Variants in EPG5 observed in about 807,000 individuals in gnomAD.
The protein encoded by EPG5 is ectopic P-granules 5 autophagy tethering factor, also known as ectopic P granules protein 5 homolog.
A neutral mutation model predicts 302.7 loss-of-function variants in EPG5; 159 were observed. That is an observed-to-expected ratio of 0.53 (90% CI 0.46 to 0.60). The LOEUF is 0.60. EPG5 is among the 20% of genes least tolerant of loss of function. EPG5 has a pLI of 0.00. For missense variants in EPG5, 2,896 were observed against 3,092.4 expected (o/e 0.94, Z 1.51); for synonymous variants, 1,158 against 1,136.8 (o/e 1.02, Z -0.37).
chr18:45,840,509 G>C, the EPG5 span, among the ~76,000 whole-genome samples: 1 of 152,080 alleles, frequency 6.6e-6, no homozygotes, highest in Non-Finnish European at 1.5e-5. Flanking sequence ...CCACATTCTT[G>C]AACAGGCAGA....
intron 43 of EPG5, among the ~76,000 whole-genome samples, chr18:45,853,948 C>T (rs928297555): frequency 4.6e-5 from 7 of 152,176 alleles, no homozygotes; most frequent in Non-Finnish European, 7.3e-5. Flanking sequence ...AGACAACTTT[C>T]TTCAAATCTG....
chr18:45,877,830 A>G (rs1217772600), intron 34 of EPG5, among the ~76,000 whole-genome samples: 1 of 152,204 alleles, frequency 6.6e-6, no homozygotes, highest in Non-Finnish European at 1.5e-5. Context: ...TAATTTTTAT[A>G]AAACCCTGAC....
At chr18:45,822,879 G>A in the EPG5 span, among the ~76,000 whole-genome samples, 5,579 of 152,220 alleles carry the variant, frequency 0.037, 350 homozygotes, top group African/African-American at 0.13. Flanking sequence ...CATGCCTTCC[G>A]GGACTATTTA....
At chr18:45,913,117 A>G (rs972896845) in intron 21 of EPG5, among the ~76,000 whole-genome samples, 2 of 152,128 alleles carry the variant, frequency 1.3e-5, no homozygotes. Flanking sequence ...AAAAGAAAAA[A>G]AGAAAATGTC....
intron 16 of EPG5, among the ~76,000 whole-genome samples, chr18:45,918,587 T>C (rs1009789730): frequency 6.6e-6 from 1 of 152,170 alleles, no homozygotes; most frequent in Non-Finnish European, 1.5e-5. Context: ...ATATGATCCA[T>C]ATAAAGAGGC....
intron 13 of EPG5, among the ~76,000 whole-genome samples, chr18:45,926,728 G>A (rs1232757988): frequency 3.3e-5 from 5 of 151,526 alleles, no homozygotes; most frequent in East Asian, 3.9e-4. Flanking sequence ...CAGGAGAATC[G>A]CTTGAACCCA....
intron 42 of EPG5, 116 bp from the exon 43 acceptor site, chr18:45,855,803 T>C: frequency 3.0e-6 from 2 of 673,644 alleles, no homozygotes; most frequent in Non-Finnish European, 5.2e-6. Flanking sequence ...ATCTACTGTG[T>C]TGTTCACCTT....
chr18:45,953,152 G>T lies in EPG5; in HGVS notation c.1009-509C>A, dbSNP rs139070237. ...TACGCCACTGCACTCCAGCCTGGGC[G>T]ACAGAGCTAGACTCCATCTAAAAAA... On this transcript the variant is annotated intron_variant, in intron 2 of 43. Coordinates refer to ENST00000282041, the MANE Select transcript of EPG5 (RefSeq NM_020964.3). The T allele has an allele frequency of 2.4e-5, 9 of 375,452 alleles. No individual in the cohort carries two copies. The Admixed American group carries it at 5.2e-4, about 22-fold the overall frequency. 23.3% of individuals were successfully genotyped at this position (375,452 alleles called of 1,614,324 possible). A position where few individuals can be genotyped will look rare whatever the true frequency, so the allele number is the denominator to read the frequency against.
chr18:45,811,817 G>A, the EPG5 span, among the ~76,000 whole-genome samples: 5 of 152,062 alleles, frequency 3.3e-5, no homozygotes, highest in African/African-American at 4.8e-5. Flanking sequence ...ATCATACTGA[G>A]TGGGCAAAAA....
rs185735799 is a variant in EPG5, at chr18:45,965,072, A to G, written c.63+2105T>C. Among the ~76,000 whole-genome samples, 246 of 152,364 alleles carry G rather than the reference A, an allele frequency of 1.6e-3. 1 individual carries two copies. The highest frequency in any genetic ancestry group is 5.7e-3 in the African/African-American group (235 of 41,574). ...CTCCACTACAGCCGTTTAAAAAGTC[A>G]TATCAAGAAAACGTGGTAAATACTC... On this transcript the variant is annotated intron_variant, in intron 1 of 43. Transcript: ENST00000282041.
chr18:45,950,191 T>C (rs1212560455), intron 4 of EPG5, among the ~76,000 whole-genome samples: 5 of 152,224 alleles, frequency 3.3e-5, no homozygotes, highest in African/African-American at 4.8e-5. Context: ...AGACCAGAAG[T>C]ATTTCAGACT....
In EPG5 at chr18:45,940,304, C is replaced by T. The variant is rs866930437; in HGVS notation, c.1944-549G>A. Among the ~76,000 whole-genome samples the T allele has an allele frequency of 4.0e-4, 61 of 152,290 alleles. 1 individual carries two copies. Among genetic ancestry groups the T allele is most frequent in the Middle Eastern group, 6.8e-3 (2 of 294 alleles). On this transcript the variant is annotated intron_variant, in intron 9 of 43. Transcript: ENST00000282041. Reference sequence around the variant, plus strand: ...TCAGAAAAGTGGCAGGAAACCAGATCGTGAGGGGCCCTGCAGGCCACTGTG... The same window carrying T: ...TCAGAAAAGTGGCAGGAAACCAGATTGTGAGGGGCCCTGCAGGCCACTGTG...
At chr18:45,831,889 C>T in the EPG5 span, among the ~76,000 whole-genome samples, 1 of 152,154 alleles carries the variant, frequency 6.6e-6, no homozygotes, top group Admixed American at 6.5e-5. Context: ...AGACGTGCAC[C>T]ACTGCGCCCA....
chr18:45,830,971 T>C, the EPG5 span, among the ~76,000 whole-genome samples: 1 of 152,162 alleles, frequency 6.6e-6, no homozygotes, highest in Admixed American at 6.6e-5. Flanking sequence ...CAGACATAGA[T>C]TTTTAGAATT....
At chr18:45,829,083 G>C in the EPG5 span, 2 of 985,790 alleles carry the variant, frequency 2.0e-6, no homozygotes, top group African/African-American at 3.5e-5. Context: ...GGGGGCACCA[G>C]CAGAGACAGG....
chr18:45,825,428 A>G, the EPG5 span: 37 of 490,748 alleles, frequency 7.5e-5, no homozygotes, highest in African/African-American at 5.9e-4. Context: ...TGGCAGCCAC[A>G]GGAAATGGCC....
chr18:45,819,169 T>C, the EPG5 span, among the ~76,000 whole-genome samples: 2 of 152,260 alleles, frequency 1.3e-5, no homozygotes, highest in African/African-American at 4.8e-5. Flanking sequence ...TCACCTATGT[T>C]TTCTTCTTGC....
intron 1 of EPG5, among the ~76,000 whole-genome samples, chr18:45,962,252 CA>C (rs2051165599): frequency 6.6e-6 from 1 of 152,170 alleles, no homozygotes; most frequent in African/African-American, 2.4e-5. Flanking sequence ...AGGTGGAAAT[CA>C]ATCATTTAGG....
the EPG5 span, among the ~76,000 whole-genome samples, chr18:45,823,337 C>A: frequency 1.3e-5 from 2 of 152,140 alleles, no homozygotes; most frequent in Non-Finnish European, 2.9e-5. Context: ...TTAGAAGGTT[C>A]ACTCTGACAG....
Sources: gnomAD v4.1 joint callset for allele counts (sites outside exome capture counted in the v4.1 genomes callset) on GRCh38, gnomAD v4.1.1 for gene constraint, MANE v1.5 for transcripts, NCBI Gene and HGNC (gene_info 2026-07-23, HGNC 2026-07-21) for gene names.